CHD7: variants seen among roughly 807,000 people sequenced by gnomAD.
CHD7 encodes ATP-dependent chromatin remodeler CHD7.
Under a neutral mutation model 307.3 loss-of-function variants are expected in CHD7, and 24 were observed. The ratio of observed to expected loss-of-function variants is 0.08; its 90% CI spans 0.06 to 0.11. The LOEUF is 0.11. Among genes scored for constraint, CHD7 ranks in the 10% least tolerant of loss-of-function variants. The probability of loss-of-function intolerance (pLI) is 1.00; values close to 1 mark genes in which losing one functional copy is unlikely to be tolerated. For missense variants in CHD7, 3,106 were observed against 3,727.1 expected (o/e 0.83, Z 4.34); for synonymous variants, 1,363 against 1,349.9 (o/e 1.01, Z -0.21).
intron 7 of CHD7, among the ~76,000 whole-genome samples, chr8:60,812,890 G>A (rs1050931215): frequency 2.6e-5 from 4 of 151,766 alleles, no homozygotes; most frequent in African/African-American, 9.7e-5. Context: ...TAGCTTTTCT[G>A]TTTTATTGTT....
At chr8:60,859,075 A>G (rs534990696) in intron 34 of CHD7, among the ~76,000 whole-genome samples, 7 of 152,194 alleles carry the variant, frequency 4.6e-5, no homozygotes, top group Non-Finnish European at 1.0e-4. Context: ...TTCTTTTTCT[A>G]AAGTCCCATT....
In CHD7 at chr8:60,850,478, A is replaced by G. The variant is rs1241844315; in HGVS notation, c.5405-15A>G. 1 of 1,597,748 alleles carries G rather than the reference A, an allele frequency of 6.3e-7. No homozygotes were observed. On this transcript the variant is annotated splice_polypyrimidine_tract_variant and intron_variant, in intron 25 of 37. Coordinates refer to ENST00000423902, the MANE Select transcript of CHD7 (RefSeq NM_017780.4). ...GTTTCTGTGTGTTTTCTGTGCACGG[A>G]TGGGCACGGCACAGGCTATGAGAAG...
chr8:60,768,127 T>C (rs562762889), intron 2 of CHD7, among the ~76,000 whole-genome samples: 2 of 152,324 alleles, frequency 1.3e-5, no homozygotes, highest in South Asian at 4.1e-4. Context: ...GAAACTTCCT[T>C]AATACTCCCC....
chr8:60,720,378 G>C (rs1370555569), intron 1 of CHD7, among the ~76,000 whole-genome samples: 2 of 152,154 alleles, frequency 1.3e-5, no homozygotes, highest in African/African-American at 4.8e-5. Flanking sequence ...CCCCAGAAAG[G>C]CTGTATCAGT....
intron 32 of CHD7, 87 bp from the exon 33 acceptor site, chr8:60,855,888 C>G: frequency 1.2e-6 from 1 of 842,870 alleles, no homozygotes; most frequent in Non-Finnish European, 1.9e-6. Flanking sequence ...ACATTTTATG[C>G]TCTTTTGCAT....
intron 1 of CHD7, among the ~76,000 whole-genome samples, chr8:60,698,687 CT>C (rs1806612741): frequency 2.0e-5 from 3 of 152,210 alleles, no homozygotes; most frequent in Admixed American, 2.0e-4. Flanking sequence ...TTAAGGCTTG[CT>C]TTGTTTCTTA....
intron 2 of CHD7, among the ~76,000 whole-genome samples, chr8:60,753,411 T>C (rs1158000214): frequency 6.6e-6 from 1 of 152,166 alleles, no homozygotes; most frequent in African/African-American, 2.4e-5. Context: ...TAATTCAGTC[T>C]AATTTTGGAA....
Position 60,742,517 on chromosome 8 carries a change from T to G in CHD7, c.1085T>G (p.Met362Arg). The G allele has an allele frequency of 6.2e-7, 1 of 1,614,030 alleles. No homozygotes were observed. Among genetic ancestry groups the G allele is most frequent in the South Asian group, 1.1e-5 (1 of 91,086 alleles). ...CCATCAAACAGTGGTCAAGGACTAA[T>G]GCACCAGCAGCCCATCCACCCCAGT... ...GFPSNSGQGLMHQQPIHPSGS... is the reference protein window; with the variant it reads ...GFPSNSGQGLRHQQPIHPSGS... Residue 362 changes from methionine to arginine, a missense_variant, in exon 2 of 38, where the codon ATG (methionine) becomes AGG (arginine). Physicochemically the swap from Met to Arg is moderately conservative, Grantham distance 91. Around this residue, in one of 10 missense-constraint regions of CHD7, gnomAD observed 998 missense variants for 1,004.5 expected, o/e 0.99. Coordinates refer to ENST00000423902, the MANE Select transcript of CHD7 (RefSeq NM_017780.4).
chr8:60,765,079 C>T (rs1196131804), intron 2 of CHD7, among the ~76,000 whole-genome samples: 2 of 152,114 alleles, frequency 1.3e-5, no homozygotes, highest in African/African-American at 2.4e-5. Context: ...AGCTGCAGTA[C>T]CCAGACTGAG....
At position 60,801,544 on chromosome 8, in the gene CHD7, A is replaced by G. The variant is rs770814182; in HGVS notation, c.2393A>G (p.Glu798Gly). Residue 798 changes from glutamate to glycine, a missense_variant, in exon 6 of 38, where the codon GAA becomes GGA. This residue lies in a region of CHD7 where 998 missense variants were observed against 1,004.5 expected (regional missense o/e 0.99). Transcript: ENST00000423902. ...TTTTTTTAGGAATCTGTTGATGCAG[A>G]AGGCCCAGTGGTAGAAAAAATTATG... is the stretch of plus-strand genomic sequence containing the variant. ...QSEQQESVDA[E>G]GPVVEKIMSS... 6.4e-7 allele frequency: 1 copy of G among 1,574,130 alleles called. No homozygotes were observed. Among genetic ancestry groups the G allele is most frequent in the South Asian group, 1.2e-5 (1 of 85,522 alleles).
intron 7 of CHD7, among the ~76,000 whole-genome samples, chr8:60,811,629 A>T (rs929746640): frequency 2.0e-5 from 3 of 152,206 alleles, no homozygotes; most frequent in Non-Finnish European, 2.9e-5. Context: ...ATAATGCTAC[A>T]ATATATATTC....
Position 60,742,001 on chromosome 8 carries a change from G to T in CHD7, c.569G>T (p.Gly190Val). 6.2e-7 allele frequency: 1 copy of T among 1,613,782 alleles called. No individual in the cohort carries two copies. The highest frequency in any genetic ancestry group is 1.3e-5 in the African/African-American group (1 of 75,036). Residue 190 changes from glycine to valine, a missense_variant, in exon 2 of 38, where the codon GGC becomes GTC. This residue lies in a region of CHD7 where 998 missense variants were observed against 1,004.5 expected (regional missense o/e 0.99). Coordinates refer to ENST00000423902, the MANE Select transcript of CHD7 (RefSeq NM_017780.4). ...CACCCTCAGCACATGCAGCAGATGG[G>T]CAGCTATATGGCACGTGGGGATTTT... The part of the protein sequence containing the change: ...QGHPQHMQQM[G>V]SYMARGDFSM...
In CHD7 at chr8:60,851,350, G is replaced by A. The variant is rs1453491914; in HGVS notation, c.5665+31G>A. ...GTCCCAGAAAAGCTTGTGTAGCCGAGCAGACGTGCACTGAGCAGTCATTGT... is the reference window on the plus strand; with the variant it reads ...GTCCCAGAAAAGCTTGTGTAGCCGAACAGACGTGCACTGAGCAGTCATTGT... On this transcript the variant is annotated intron_variant, in intron 28 of 37. Transcript: ENST00000423902. 6 of 1,513,138 alleles carry A rather than the reference G, an allele frequency of 4.0e-6. No individual in the cohort carries two copies. In the Admixed American group the frequency reaches 1.2e-4, roughly 29 times the overall value. 93.7% of individuals were successfully genotyped at this position (1,513,138 alleles called of 1,614,324 possible).
In CHD7 at chr8:60,866,104, A is replaced by G. The variant is rs1806234588; in HGVS notation, c.*171A>G. Reference sequence around the variant, plus strand: ...AGGTGTGTCAAAAGGTATCTTGGTCATTAAGTATTGTGCAGTGCATTATTT... The same window carrying G: ...AGGTGTGTCAAAAGGTATCTTGGTCGTTAAGTATTGTGCAGTGCATTATTT... On this transcript the variant is annotated 3_prime_UTR_variant, in exon 38 of 38. Transcript: ENST00000423902. The G allele has an allele frequency of 1.6e-6, 1 of 614,328 alleles. No individual in the cohort carries two copies. Among genetic ancestry groups the G allele is most frequent in the African/African-American group, 1.8e-5 (1 of 54,150 alleles). 38.1% of individuals were successfully genotyped at this position (614,328 alleles called of 1,614,324 possible).
Position 60,866,148 on chromosome 8 carries a change from G to T in CHD7, c.*215G>T. The T allele has an allele frequency of 2.4e-6, 1 of 412,358 alleles. No homozygotes were observed. The allele number at this position is 412,358 out of a possible 1,614,324, so 25.5% of individuals were successfully genotyped here. On this transcript the variant is annotated 3_prime_UTR_variant, in exon 38 of 38. Transcript: ENST00000423902. ...ATTATTTATTATCCCTAGGAGAGAT[G>T]AAATTTGAGAGGTGATCATGTCTTT... is the stretch of plus-strand genomic sequence containing the variant.
Position 60,781,020 on chromosome 8 carries a change from T to A in CHD7, c.1686T>A (p.Phe562Leu). Residue 562 changes from phenylalanine (F) to leucine (L), a missense_variant, in exon 3 of 38, where the codon TTT becomes TTA. Coordinates refer to ENST00000423902, the MANE Select transcript of CHD7 (RefSeq NM_017780.4). ...CTCAGCATTCCCCGTCGGAGCCCTT[T>A]CTAGAGAAACCAGTGCCGGATATGA... ...PVHQHSPSEP[F>L]LEKPVPDMTQ... 1 of 1,573,280 alleles carries A rather than the reference T, an allele frequency of 6.4e-7. No homozygotes were observed.
chr8:60,806,311 C>T (rs535588167), intron 6 of CHD7, among the ~76,000 whole-genome samples: 2 of 151,826 alleles, frequency 1.3e-5, no homozygotes, highest in Non-Finnish European at 2.9e-5. Context: ...TGCAGTGAGC[C>T]GAGATTGCGC....
chr8:60,810,445 T>TAC (rs1165713587), intron 7 of CHD7, among the ~76,000 whole-genome samples: 1 of 151,930 alleles, frequency 6.6e-6, no homozygotes, highest in Non-Finnish European at 1.5e-5. Context: ...GTTTATTATA[T>TAC]ACACACACAT....
rs74693288 is a variant in CHD7, at chr8:60,808,174, T to C, written c.2443-43T>C. 319 of 1,313,776 alleles carry C rather than the reference T, an allele frequency of 2.4e-4. 2 individuals carry two copies. In the East Asian group the frequency reaches 7.4e-3, roughly 30 times the overall value. 81.4% of individuals were successfully genotyped at this position (1,313,776 alleles called of 1,614,324 possible). A position where few individuals can be genotyped will look rare whatever the true frequency, so the allele number is the denominator to read the frequency against. On this transcript the variant is annotated intron_variant, in intron 6 of 37. Coordinates refer to ENST00000423902, the MANE Select transcript of CHD7 (RefSeq NM_017780.4). ...AATCATTACTTTTAAAATATTCTAG[T>C]AGATGGTTTTAAATACATGCCTGAA...
Sources: allele counts gnomAD v4.1 joint callset (sites outside exome capture counted in the v4.1 genomes callset), GRCh38; gene constraint gnomAD v4.1.1; regional missense constraint gnomAD v4.1.1; transcripts MANE v1.5; gene names NCBI Gene and HGNC (gene_info 2026-07-23, HGNC 2026-07-21).